Variants in DGKB observed in about 807,000 individuals in gnomAD.
DGKB encodes 90 kDa diacylglycerol kinase.
A neutral mutation model predicts 114.3 loss-of-function variants in DGKB; 67 were observed. The observed-to-expected ratio is 0.59, with a 90% CI of 0.48 to 0.72. The LOEUF is 0.72. Among genes scored for constraint, DGKB ranks in the 30% least tolerant of loss-of-function variants. The pLI, the probability that DGKB is intolerant of heterozygous loss-of-function variation, is 0.00. For missense variants in DGKB, 907 were observed against 975.2 expected, an observed-to-expected ratio of 0.93 and a Z score of 0.93; for synonymous variants, 398 against 323.1, an observed-to-expected ratio of 1.23 and a Z score of -2.49.
chr7:14,210,707 A>ATCTT (rs1367671698), intron 23 of DGKB, among the ~76,000 whole-genome samples: 2 of 151,364 alleles, frequency 1.3e-5, no homozygotes, highest in African/African-American at 4.8e-5. Flanking sequence ...AAGTCTTCAA[A>ATCTT]TCTTTCTCAC....
At chr7:14,810,268 T>C (rs1843262275) in intron 2 of DGKB, among the ~76,000 whole-genome samples, 1 of 152,198 alleles carries the variant, frequency 6.6e-6, no homozygotes, top group Non-Finnish European at 1.5e-5. Flanking sequence ...TTGTCTAGTT[T>C]CTACCAATCT....
At chr7:14,444,334 T>C (rs1175035499) in intron 21 of DGKB, among the ~76,000 whole-genome samples, 1 of 151,818 alleles carries the variant, frequency 6.6e-6, no homozygotes, top group Admixed American at 6.6e-5. Flanking sequence ...TTATTGATAA[T>C]TGTATATATG....
At chr7:14,313,678 A>G (rs1323626639) in intron 23 of DGKB, among the ~76,000 whole-genome samples, 2 of 152,110 alleles carry the variant, frequency 1.3e-5, no homozygotes, top group African/African-American at 4.8e-5. Context: ...CTGAGATCAA[A>G]CTGCAAGGCG....
intron 1 of DGKB, among the ~76,000 whole-genome samples, chr7:14,959,922 C>T (rs895719134): frequency 1.3e-4 from 20 of 152,020 alleles, no homozygotes; most frequent in African/African-American, 4.8e-4. Context: ...CATGCTTTTC[C>T]TTAAGCAAAA....
At chr7:14,907,465 G>C (rs1295987677), upstream of DGKB, among the ~76,000 whole-genome samples, 2 of 152,308 alleles carry the variant, frequency 1.3e-5, no homozygotes, top group African/African-American at 4.8e-5. Context: ...CCACAGAGTG[G>C]TTGAGAGAAT....
At chr7:14,166,948 G>A (rs1584185557) in intron 25 of DGKB, among the ~76,000 whole-genome samples, 2 of 152,268 alleles carry the variant, frequency 1.3e-5, no homozygotes, top group East Asian at 3.9e-4. Flanking sequence ...GGTGGCTCAT[G>A]CAGGTAATCC....
chr7:14,280,258 C>T (rs1458237673), intron 23 of DGKB, among the ~76,000 whole-genome samples: 1 of 151,874 alleles, frequency 6.6e-6, no homozygotes, highest in Non-Finnish European at 1.5e-5. Context: ...GAAAGGGTAT[C>T]AGCAATGGAA....
intron 6 of DGKB, among the ~76,000 whole-genome samples, chr7:14,716,071 C>T (rs1828130290): frequency 1.3e-5 from 2 of 152,088 alleles, no homozygotes; most frequent in South Asian, 2.1e-4. Context: ...CAGTGTAATT[C>T]GTTTATCTAA....
At chr7:14,303,866 C>G (rs1013835284) in intron 23 of DGKB, among the ~76,000 whole-genome samples, 1 of 151,976 alleles carries the variant, frequency 6.6e-6, no homozygotes, top group Non-Finnish European at 1.5e-5. Flanking sequence ...TTTATCGCCA[C>G]CATGAAAATT....
chr7:14,305,078 A>G (rs904217043), intron 23 of DGKB, among the ~76,000 whole-genome samples: 2 of 152,182 alleles, frequency 1.3e-5, no homozygotes, highest in Non-Finnish European at 2.9e-5. Context: ...TAATGATCCA[A>G]TCAGGGTAAT....
intron 4 of DGKB, among the ~76,000 whole-genome samples, chr7:14,753,555 T>A (rs1834419247): frequency 6.6e-6 from 1 of 152,178 alleles, no homozygotes; most frequent in Non-Finnish European, 1.5e-5. Flanking sequence ...GCATTTTAAA[T>A]GCAATTTTAA....
intron 20 of DGKB, among the ~76,000 whole-genome samples, chr7:14,518,290 A>G (rs146914056): frequency 4.6e-5 from 7 of 152,222 alleles, no homozygotes; most frequent in African/African-American, 1.7e-4. Context: ...GAAAAGAATA[A>G]CAGACACTGG....
intron 2 of DGKB, among the ~76,000 whole-genome samples, chr7:14,810,448 G>C (rs1586661901): frequency 1.3e-5 from 2 of 152,242 alleles, no homozygotes; most frequent in East Asian, 1.9e-4. Flanking sequence ...CAAATGTCAA[G>C]TTAAAGCTTT....
chr7:14,729,354 C>T (rs368472128), intron 5 of DGKB, among the ~76,000 whole-genome samples: 18 of 152,096 alleles, frequency 1.2e-4, no homozygotes, highest in African/African-American at 3.6e-4. Context: ...GATCTCCTGA[C>T]CTTGTGATTC....
At chr7:14,230,293 T>C (rs1377309765) in intron 23 of DGKB, among the ~76,000 whole-genome samples, 1 of 152,004 alleles carries the variant, frequency 6.6e-6, no homozygotes, top group Non-Finnish European at 1.5e-5. Context: ...TCACATAAAT[T>C]GATGAATGCT....
chr7:14,326,994 A>T (rs1051707527), intron 23 of DGKB, among the ~76,000 whole-genome samples: 1 of 152,162 alleles, frequency 6.6e-6, no homozygotes, highest in Non-Finnish European at 1.5e-5. Flanking sequence ...CATGTGTACT[A>T]AAGTCTACCA....
intron 20 of DGKB, among the ~76,000 whole-genome samples, chr7:14,533,420 C>A (rs1791915905): frequency 6.6e-6 from 1 of 151,260 alleles, no homozygotes; most frequent in Admixed American, 6.6e-5. Context: ...CCGTGTGAAA[C>A]AATATATGCA....
chr7:14,914,933 A>G (rs1409488375), intron 1 of DGKB, among the ~76,000 whole-genome samples: 1 of 152,176 alleles, frequency 6.6e-6, no homozygotes, highest in Non-Finnish European at 1.5e-5. Flanking sequence ...GGAGAGAATC[A>G]ATGAGCTTGA....
intron 23 of DGKB, among the ~76,000 whole-genome samples, chr7:14,179,201 C>G (rs1435961111): frequency 6.6e-6 from 1 of 152,166 alleles, no homozygotes; most frequent in Non-Finnish European, 1.5e-5. Flanking sequence ...AGCCAGAAAG[C>G]AGAAGTTGAA....
Sources: allele counts gnomAD v4.1 joint callset (sites outside exome capture counted in the v4.1 genomes callset), GRCh38; gene constraint gnomAD v4.1.1; transcripts MANE v1.5; gene names NCBI Gene and HGNC (gene_info 2026-07-23, HGNC 2026-07-21).